The following OSCP1 variants were observed in gnomAD, a reference collection of about 807,000 sequenced individuals.
The protein encoded by OSCP1 is protein OSCP1.
OSCP1 carries 35 observed loss-of-function variants against 45.1 expected under a neutral mutation model. The observed-to-expected ratio is 0.78, with a 90% CI of 0.59 to 1.03. OSCP1 has a LOEUF of 1.03. OSCP1 is among the 50% of genes least tolerant of loss of function. The pLI, the probability that OSCP1 is intolerant of heterozygous loss-of-function variation, is 0.00. For synonymous variants in OSCP1, 179 were observed against 180.1 expected (o/e 0.99, Z 0.05); for missense variants, 400 against 470.7 (o/e 0.85, Z 1.39).
rs368007548 is a variant in OSCP1 at position 36,418,160 on chromosome 1, G to A, written c.1119C>T (p.Leu373=). 2.5e-6 allele frequency: 4 copies of A among 1,613,972 alleles called. No individual in the cohort carries two copies. Among genetic ancestry groups the A allele is most frequent in the Middle Eastern group, 1.6e-4 (1 of 6,084 alleles). The change falls in exon 10 of 10, where the codon CTC becomes CTT. Residue 373 remains leucine (L), a synonymous_variant. Transcript: ENST00000235532. ...ACAGCTATAACTCATCCATCATGGCGAGCAAATCGTCCCCTTTGCTGGTGC... is the reference window on the plus strand; with the variant it reads ...ACAGCTATAACTCATCCATCATGGCAAGCAAATCGTCCCCTTTGCTGGTGC... ...RLSTSKGDDL[L]AMMDEL is the part of the protein sequence containing the mutation.
At chr1:36,418,885 G>T in intron 9 of OSCP1, 106 bp downstream of exon 9, 1 of 907,768 alleles carries the variant, frequency 1.1e-6, no homozygotes, top group Non-Finnish European at 1.7e-6. Context: ...CTGAGATCAA[G>T]CCACTGCACT....
intron 5 of OSCP1, among the ~76,000 whole-genome samples, 171 bp downstream of exon 5, chr1:36,423,192 C>T (rs909305263): frequency 2.0e-5 from 3 of 152,166 alleles, no homozygotes; most frequent in African/African-American, 7.2e-5. Flanking sequence ...AGTCCCTCTA[C>T]TAAGTGACAA....
chr1:36,443,046 C>T (rs1389024845), intron 1 of OSCP1, among the ~76,000 whole-genome samples: 3 of 152,102 alleles, frequency 2.0e-5, no homozygotes, highest in Non-Finnish European at 4.4e-5. Flanking sequence ...TCACTGCAAC[C>T]TCTGCCTCCC....
At chr1:36,420,675 C>G (rs1377273413) in intron 7 of OSCP1, 60 bp from the exon 8 acceptor site, 5 of 1,590,298 alleles carry the variant, frequency 3.1e-6, no homozygotes, top group Non-Finnish European at 4.3e-6. Flanking sequence ...CCTGCTAAAA[C>G]CTCAGAGACA....
At position 36,423,491 on chromosome 1, in the gene OSCP1, A is replaced by G. The variant is rs556933375; in HGVS notation, c.517-25T>C. 17 of 1,545,884 alleles carry G rather than the reference A, an allele frequency of 1.1e-5. 1 individual carries two copies. The South Asian group carries it at 1.8e-4, about 17-fold the overall frequency. Reference sequence around the variant, plus strand: ...CCTGGAAAAAAATACATTTATTGTCATTTTTCTTGGTATATTTTCATAGAC... The same window carrying G: ...CCTGGAAAAAAATACATTTATTGTCGTTTTTCTTGGTATATTTTCATAGAC... On this transcript the variant is annotated intron_variant, in intron 4 of 9. Coordinates refer to ENST00000235532, the MANE Select transcript of OSCP1 (RefSeq NM_145047.5).
intron 2 of OSCP1, 94 bp from the exon 3 acceptor site, chr1:36,432,683 A>G (rs1173354952): frequency 6.8e-7 from 1 of 1,478,930 alleles, no homozygotes; most frequent in African/African-American, 1.4e-5. Flanking sequence ...TTTACTGAAA[A>G]CCAACTCTGG....
intron 6 of OSCP1, among the ~76,000 whole-genome samples, chr1:36,422,452 G>A (rs1385664401): frequency 2.6e-5 from 4 of 152,172 alleles, no homozygotes; most frequent in Admixed American, 2.0e-4. Flanking sequence ...AGAGTAACAC[G>A]CATCACTGAA....
Position 36,422,863 on chromosome 1 carries a change from C to G in OSCP1, c.654G>C (p.Arg218Ser). 6.2e-7 allele frequency: 1 copy of G among 1,609,480 alleles called. No homozygotes were observed. Among genetic ancestry groups the G allele is most frequent in the African/African-American group, 1.3e-5 (1 of 74,834 alleles). ...MFNNKGEEVKRIEFKHGGNYV... is the reference protein window; with the variant it reads ...MFNNKGEEVKSIEFKHGGNYV... ...AGTTTCCACCATGCTTGAATTCTAT[C>G]CTCTTCACTTCTTCACCTTTGTTGT... The change falls in exon 6 of 10, where the codon AGG becomes AGC. Residue 218 changes from arginine to serine, a missense_variant. Arg to Ser is a moderately radical substitution (Grantham distance 110). Transcript: ENST00000235532.
chr1:36,422,665 G>A (rs1647724529), intron 6 of OSCP1, 103 bp downstream of exon 6: 9 of 1,203,902 alleles, frequency 7.5e-6, no homozygotes, highest in South Asian at 1.9e-5. Flanking sequence ...TCCTATTGTC[G>A]GCAGGGATTT....
chr1:36,443,985 C>T lies in OSCP1; in HGVS notation c.113-5075G>A, dbSNP rs761175067. The T allele has an allele frequency of 5.6e-6, 9 of 1,611,760 alleles. No homozygotes were observed. The South Asian group carries it at 9.9e-5, about 18-fold the overall frequency. On this transcript the variant is annotated intron_variant, in intron 1 of 9. Coordinates refer to ENST00000235532, the MANE Select transcript of OSCP1 (RefSeq NM_145047.5). ...CCTGTGGATGCACACTGAACACATG[C>T]AGCCCGGAGATAGCATACCTCGTTT...
intron 3 of OSCP1, among the ~76,000 whole-genome samples, chr1:36,432,148 T>C (rs1212361193): frequency 6.6e-6 from 1 of 152,116 alleles, no homozygotes; most frequent in African/African-American, 2.4e-5. Flanking sequence ...TAGCAGAACA[T>C]CCACCACCAA....
chr1:36,418,241 G>C lies in OSCP1; in HGVS notation c.1038C>G (p.Ser346Arg). The C allele has an allele frequency of 1.2e-6, 2 of 1,614,070 alleles. No individual in the cohort carries two copies. Among genetic ancestry groups the C allele is most frequent in the South Asian group, 1.1e-5 (1 of 91,078 alleles). The change falls in exon 10 of 10, where the codon AGC (serine) becomes AGG (arginine). Residue 346 changes from serine to arginine, a missense_variant. Coordinates refer to ENST00000235532, the MANE Select transcript of OSCP1 (RefSeq NM_145047.5). ...CCCCCATGATTCGAGCCAGCTCCTCGCTCCGTTGCTGGTCCTATGAGGGAA... is the reference window on the plus strand; with the variant it reads ...CCCCCATGATTCGAGCCAGCTCCTCCCTCCGTTGCTGGTCCTATGAGGGAA... ...NIQATQDQQR[S>R]EELARIMGEF...
At chr1:36,427,298 C>CTTTTT (rs1215755284) in intron 4 of OSCP1, among the ~76,000 whole-genome samples, 2 of 40,080 alleles carry the variant, frequency 5.0e-5, no homozygotes, top group Non-Finnish European at 1.0e-4. Context: ...TGGCGCCTGG[C>CTTTTT]CTTTTTTTTT....
chr1:36,423,334 CAT>C (rs750230384), intron 5 of OSCP1, 27 bp downstream of exon 5: 21 of 1,546,506 alleles, frequency 1.4e-5, no homozygotes, highest in East Asian at 2.2e-5. Context: ...GCACCCCAAA[CAT>C]AGCTCTGATC....
At position 36,432,548 on chromosome 1, in the gene OSCP1, C is replaced by G; in HGVS notation, c.309G>C (p.Leu103Phe). The change falls in exon 3 of 10, where the codon TTG becomes TTC. Residue 103 changes from leucine to phenylalanine, a missense_variant. Leu to Phe is a conservative substitution (Grantham distance 22). Coordinates refer to ENST00000235532, the MANE Select transcript of OSCP1 (RefSeq NM_145047.5). ...GCACATCCTTGGGTCGGGGACACAG[C>G]AATACTTGATATTTGAAAGCCATGG... is the stretch of plus-strand genomic sequence containing the variant. ...LMTMAFKYQV[L>F]LCPRPKDVLL... 1 of 1,614,096 alleles carries G rather than the reference C, an allele frequency of 6.2e-7. No individual in the cohort carries two copies. The highest frequency in any genetic ancestry group is 8.5e-7 in the Non-Finnish European group (1 of 1,180,024).
At chr1:36,443,588 T>C (rs1436385024) in intron 1 of OSCP1, among the ~76,000 whole-genome samples, 1 of 152,208 alleles carries the variant, frequency 6.6e-6, no homozygotes, top group Non-Finnish European at 1.5e-5. Context: ...GGTTGCTCTG[T>C]GAGCTTAGGA....
chr1:36,418,083 A>ATG lies in OSCP1; in HGVS notation c.*55_*56insCA, dbSNP rs1195682360. The ATG allele has an allele frequency of 2.0e-6, 3 of 1,466,020 alleles. No homozygotes were observed. The highest frequency in any genetic ancestry group is 2.9e-6 in the Non-Finnish European group (3 of 1,049,914). 90.8% of individuals were successfully genotyped at this position (1,466,020 alleles called of 1,614,324 possible). A position where few individuals can be genotyped will look rare whatever the true frequency, so the allele number is the denominator to read the frequency against. On this transcript the variant is annotated 3_prime_UTR_variant, in exon 10 of 10. Coordinates refer to ENST00000235532, the MANE Select transcript of OSCP1 (RefSeq NM_145047.5). ...CATTCTGGGCCATGGGGCATTCCCC[A>ATG]GGGGTCACCATCCAGCAGCCTCTCC...
At chr1:36,422,691 G>A (rs1345254417) in intron 6 of OSCP1, 77 bp downstream of exon 6, 2 of 1,309,888 alleles carry the variant, frequency 1.5e-6, no homozygotes, top group African/African-American at 1.5e-5. Context: ...GCAGAAGTCT[G>A]GCTGTTTCTC....
chr1:36,430,822 C>T (rs59476541), intron 4 of OSCP1, among the ~76,000 whole-genome samples: 15,518 of 151,988 alleles, frequency 0.1, 929 homozygotes, highest in East Asian at 0.29. Context: ...GCCCGGCTCA[C>T]TTTTGTATTT....
Sources: allele counts gnomAD v4.1 joint callset (sites outside exome capture counted in the v4.1 genomes callset), GRCh38; gene constraint gnomAD v4.1.1; transcripts MANE v1.5; gene names NCBI Gene and HGNC (gene_info 2026-07-23, HGNC 2026-07-21).